Variants in E2F8 observed in about 807,000 individuals in gnomAD.
The protein encoded by E2F8 is transcription factor E2F8.
In E2F8, 35 loss-of-function variants were observed where a neutral mutation model predicts 80.8. The ratio of observed to expected loss-of-function variants is 0.43; its 90% CI spans 0.33 to 0.57. The LOEUF (loss-of-function observed/expected upper bound fraction) is 0.57, where lower values mean the gene tolerates loss of function less well. Ranked by LOEUF, E2F8 falls within the 20% of genes least tolerant of loss-of-function variation. The probability of loss-of-function intolerance (pLI) is 0.04; values close to 1 mark genes in which losing one functional copy is unlikely to be tolerated. For synonymous variants in E2F8, 386 were observed against 395.0 expected (o/e 0.98, Z 0.27); for missense variants, 975 against 1,056.2 (o/e 0.92, Z 1.07).
rs1211586157 is a variant in E2F8, at chr11:19,224,805, C to T, written c.2457G>A (p.Val819=). 6.2e-7 allele frequency: 1 copy of T among 1,614,020 alleles called. No individual in the cohort carries two copies. Residue 819 remains valine, a synonymous_variant, in exon 13 of 13, where the codon GTG becomes GTA. Coordinates refer to ENST00000250024, the MANE Select transcript of E2F8 (RefSeq NM_024680.4). ...CTGGGGTACGGAAGAAACTTTCGGC[C>T]ACTAATTGTGACCCTTTGGGTGTCA... ...VPVTPKGSQL[V]AESFFRTPGG... is the part of the protein sequence containing the mutation.
chr11:19,237,803 C>A (rs1444488861), intron 3 of E2F8, 51 bp downstream of exon 3: 1 of 1,563,890 alleles, frequency 6.4e-7, no homozygotes, highest in Non-Finnish European at 8.7e-7. Flanking sequence ...ACAACCTCCC[C>A]CCTCCCCCCA....
chr11:19,224,732 C>G lies in E2F8; in HGVS notation c.2530G>C (p.Ala844Pro). The change falls in exon 13 of 13, where the codon GCT becomes CCT. Residue 844 changes from alanine (A) to proline (P), a missense_variant. Ala to Pro is a conservative substitution (Grantham distance 27). Coordinates refer to ENST00000250024, the MANE Select transcript of E2F8 (RefSeq NM_024680.4). ...AGAGTTCCTAAGGAGGTTTTATTAG[C>G]ACCCTCAAAATCCATGCAGGATGAG... Reference protein sequence around the residue: ...TSSSCMDFEGANKTSLGTLFV... With the variant: ...TSSSCMDFEGPNKTSLGTLFV... The G allele has an allele frequency of 6.2e-7, 1 of 1,614,212 alleles. No individual in the cohort carries two copies. Among genetic ancestry groups the G allele is most frequent in the Non-Finnish European group, 8.5e-7 (1 of 1,180,036 alleles).
intron 2 of E2F8, among the ~76,000 whole-genome samples, chr11:19,238,454 GC>G (rs1565073343): frequency 6.6e-6 from 1 of 152,240 alleles, no homozygotes; most frequent in African/African-American, 2.4e-5. Context: ...GAGAAGAGAA[GC>G]AAAGACAGTA....
chr11:19,231,357 A>G (rs562573181), intron 7 of E2F8, among the ~76,000 whole-genome samples: 10 of 152,056 alleles, frequency 6.6e-5, no homozygotes, highest in Non-Finnish European at 5.9e-5. Context: ...GCACGAAAGG[A>G]CCTCTCTCTG....
In E2F8 at chr11:19,225,787, T is replaced by C; in HGVS notation, c.1971A>G (p.Lys657=). The change falls in exon 11 of 13, where the codon AAA becomes AAG. Residue 657 remains lysine, a synonymous_variant. Transcript: ENST00000250024. ...SLGAESILSG[K]ENSSALSPNH... The stretch of plus-strand genomic sequence containing the variant: ...TTGGGGAAAGAGCACTTGAGTTTTC[T>C]TTACCAGACAAAATGGACTCTGCCC... 4 of 1,614,064 alleles carry C rather than the reference T, an allele frequency of 2.5e-6. No homozygotes were observed. The highest frequency in any genetic ancestry group is 3.4e-6 in the Non-Finnish European group (4 of 1,179,998).
rs1851472846 is a variant in E2F8 at position 19,234,890 on chromosome 11, A to G, written c.620T>C (p.Met207Thr). ...CTCATATTCTTTCTTTTTGATCATC[A>G]TAATCTGCTCGGCGTACTTATTCTC... The part of the protein sequence containing the change: ...GEENKYAEQI[M>T]MIKKKEYEQE... The change falls in exon 5 of 13, where the codon ATG becomes ACG. Residue 207 changes from methionine (M) to threonine (T), a missense_variant. Met to Thr is a moderately conservative substitution (Grantham distance 81). Coordinates refer to ENST00000250024, the MANE Select transcript of E2F8 (RefSeq NM_024680.4). 1 of 1,614,184 alleles carries G rather than the reference A, an allele frequency of 6.2e-7. No homozygotes were observed. The highest frequency in any genetic ancestry group is 2.2e-5 in the East Asian group (1 of 44,882).
chr11:19,230,612 G>A lies in E2F8; in HGVS notation c.1270+19C>T, dbSNP rs749112429. The A allele has an allele frequency of 1.2e-6, 2 of 1,611,096 alleles. No individual in the cohort carries two copies. The highest frequency in any genetic ancestry group is 1.7e-6 in the Non-Finnish European group (2 of 1,177,918). ...AGGGAATTCTTCCTAGCAGATCCCT[G>A]ACATTCCTGAAAACATACCTTTGTT... On this transcript the variant is annotated intron_variant, in intron 8 of 12. Transcript: ENST00000250024.
At chr11:19,232,036 A>T (rs1590126313) in intron 7 of E2F8, among the ~76,000 whole-genome samples, 198 bp downstream of exon 7, 1 of 152,344 alleles carries the variant, frequency 6.6e-6, no homozygotes, top group Admixed American at 6.5e-5. Flanking sequence ...TGGGACACGG[A>T]TGGAGCTGGA....
chr11:19,240,006 TG>T, intron 2 of E2F8, 100 bp downstream of exon 2: 1 of 886,244 alleles, frequency 1.1e-6, no homozygotes, highest in Non-Finnish European at 1.6e-6. Flanking sequence ...ACCAAGGTTG[TG>T]GCATTAAGAA....
chr11:19,230,404 G>T (rs1851346342), intron 8 of E2F8, 76 bp from the exon 9 acceptor site: 1 of 1,450,998 alleles, frequency 6.9e-7, no homozygotes, highest in Non-Finnish European at 9.5e-7. Context: ...CCTCACTGAA[G>T]TCAGAGGAAC....
chr11:19,236,846 C>T (rs1320919634), intron 4 of E2F8, among the ~76,000 whole-genome samples: 2 of 152,130 alleles, frequency 1.3e-5, no homozygotes, highest in Non-Finnish European at 2.9e-5. Context: ...TAACTTGTGC[C>T]CAACACAAAA....
Position 19,234,913 on chromosome 11 carries a change from C to A in E2F8, c.597G>T (p.Glu199Asp). 1 of 1,614,218 alleles carries A rather than the reference C, an allele frequency of 6.2e-7. No homozygotes were observed. The highest frequency in any genetic ancestry group is 8.5e-7 in the Non-Finnish European group (1 of 1,180,046). The change falls in exon 5 of 13, where the codon GAG becomes GAT. Residue 199 changes from glutamate (E) to aspartate (D), a missense_variant. By Grantham distance (45) the Glu-to-Asp change is conservative. Coordinates refer to ENST00000250024, the MANE Select transcript of E2F8 (RefSeq NM_024680.4). Reference protein sequence around the residue: ...TLGTLKSIGEENKYAEQIMMI... With the variant: ...TLGTLKSIGEDNKYAEQIMMI... ...TCATAATCTGCTCGGCGTACTTATTCTCCTCCCCGATGCTCTTCAAGGTGC... is the reference window on the plus strand; with the variant it reads ...TCATAATCTGCTCGGCGTACTTATTATCCTCCCCGATGCTCTTCAAGGTGC...
At chr11:19,240,317 G>C (rs1851625379) in intron 1 of E2F8, 87 bp from the exon 2 acceptor site, 1 of 367,936 alleles carries the variant, frequency 2.7e-6, no homozygotes, top group African/African-American at 2.1e-5. Flanking sequence ...AAGAGGCTAC[G>C]GAAACAAAGC....
chr11:19,237,748 C>T (rs1219082979), intron 3 of E2F8, 106 bp downstream of exon 3: 1 of 1,433,714 alleles, frequency 7.0e-7, no homozygotes, highest in Non-Finnish European at 9.4e-7. Flanking sequence ...TAATAACAGC[C>T]TTCGGGTGGT....
chr11:19,234,252 A>G, intron 6 of E2F8, 108 bp downstream of exon 6: 1 of 1,242,890 alleles, frequency 8.0e-7, no homozygotes, highest in East Asian at 2.4e-5. Flanking sequence ...ACATAATTAG[A>G]GAAGATCTGT....
chr11:19,239,205 G>A (rs1443521219), intron 2 of E2F8, among the ~76,000 whole-genome samples: 4 of 152,164 alleles, frequency 2.6e-5, no homozygotes, highest in Non-Finnish European at 4.4e-5. Flanking sequence ...TGCATTCTTA[G>A]CTCGCAGAAG....
rs1428929917 is a variant in E2F8 at position 19,237,453 on chromosome 11, A to C, written c.312T>G (p.Asp104Glu). The change falls in exon 4 of 13, where the codon GAT becomes GAG. Residue 104 changes from aspartate to glutamate, a missense_variant. By Grantham distance (45) the Asp-to-Glu change is conservative (BLOSUM62 2). Transcript: ENST00000250024. ...KDCIHEHLSG[D>E]EFEKSQPSRK... ...GACTTGGTTGGGATTTCTCAAATTC[A>C]TCTCCAGATAAGTGTTCCTACAAAG... 6.2e-7 allele frequency: 1 copy of C among 1,613,876 alleles called. No homozygotes were observed. Among genetic ancestry groups the C allele is most frequent in the Admixed American group, 1.7e-5 (1 of 59,948 alleles).
At chr11:19,225,031 A>T in intron 12 of E2F8, 190 bp downstream of exon 12, 1 of 1,129,120 alleles carries the variant, frequency 8.9e-7, no homozygotes, top group Non-Finnish European at 1.2e-6. Context: ...CAAAAATCTC[A>T]TGATAACCCA....
intron 12 of E2F8, 97 bp from the exon 13 acceptor site, chr11:19,224,937 C>T: frequency 7.2e-7 from 1 of 1,391,626 alleles, no homozygotes; most frequent in East Asian, 2.3e-5. Flanking sequence ...ATGTATTGCA[C>T]ATTGGGAAAC....
Sources: allele counts gnomAD v4.1 joint callset (sites outside exome capture counted in the v4.1 genomes callset), GRCh38; gene constraint gnomAD v4.1.1; transcripts MANE v1.5; gene names NCBI Gene and HGNC (gene_info 2026-07-23, HGNC 2026-07-21).